SKIC3: variants seen among roughly 807,000 people sequenced by gnomAD.
The protein encoded by SKIC3 is superkiller complex protein 3.
At chr5:95,544,756 T>C in the SKIC3 span, among the ~76,000 whole-genome samples, 111 of 152,316 alleles carry the variant, frequency 7.3e-4, no homozygotes, top group Middle Eastern at 3.4e-3. Context: ...TGACCAGGTT[T>C]TCAGAATCCA....
the SKIC3 span, chr5:95,525,417 A>T: frequency 6.2e-7 from 1 of 1,613,992 alleles, no homozygotes; most frequent in South Asian, 1.1e-5. Context: ...GCTTGTAGAT[A>T]GTCCTTTTTG....
At chr5:95,465,255 A>G in the SKIC3 span, among the ~76,000 whole-genome samples, 13 of 152,128 alleles carry the variant, frequency 8.5e-5, no homozygotes, top group Admixed American at 3.9e-4. Context: ...TTAGCACTGC[A>G]TAAAATTAAA....
At chr5:95,529,214 C>T in the SKIC3 span, 12 of 874,092 alleles carry the variant, frequency 1.4e-5, no homozygotes, top group Non-Finnish European at 2.1e-5. Flanking sequence ...TCTCATATCT[C>T]ATCAGTCACA....
chr5:95,474,847 A>G, the SKIC3 span, among the ~76,000 whole-genome samples: 1 of 152,220 alleles, frequency 6.6e-6, no homozygotes, highest in African/African-American at 2.4e-5. Context: ...AATTGATTAA[A>G]AGAACCACTT....
the SKIC3 span, chr5:95,514,978 C>A: frequency 6.5e-7 from 1 of 1,545,864 alleles, no homozygotes; most frequent in Non-Finnish European, 8.9e-7. Flanking sequence ...ACTTATTAAA[C>A]CGCTTATGTT....
the SKIC3 span, chr5:95,540,596 T>C: frequency 2.0e-6 from 3 of 1,502,970 alleles, no homozygotes; most frequent in South Asian, 3.4e-5. Context: ...GAAATGGAAA[T>C]TAAAATGACA....
At chr5:95,465,946 G>T in the SKIC3 span, among the ~76,000 whole-genome samples, 5 of 152,178 alleles carry the variant, frequency 3.3e-5, no homozygotes, top group African/African-American at 1.2e-4. Flanking sequence ...ACGGCGAACT[G>T]TCTCCCAACA....
At chr5:95,540,953 C>T in the SKIC3 span, 2 of 953,664 alleles carry the variant, frequency 2.1e-6, no homozygotes, top group Non-Finnish European at 1.6e-6. Flanking sequence ...AAGCATAGAA[C>T]CCCATCTATT....
At chr5:95,477,833 T>C in the SKIC3 span, among the ~76,000 whole-genome samples, 1 of 152,166 alleles carries the variant, frequency 6.6e-6, no homozygotes. Flanking sequence ...AAATTTTCCC[T>C]ACCAGCATGT....
chr5:95,490,040 C>T, the SKIC3 span, among the ~76,000 whole-genome samples: 6 of 152,082 alleles, frequency 3.9e-5, no homozygotes, highest in Admixed American at 3.3e-4. Flanking sequence ...AAGCTAATGT[C>T]CCAAGACAAA....
the SKIC3 span, chr5:95,514,894 T>C: frequency 4.3e-6 from 7 of 1,612,486 alleles, no homozygotes; most frequent in African/African-American, 1.3e-5. Flanking sequence ...GATCAAGGGA[T>C]TGAGCCATTT....
At chr5:95,479,012 C>T in the SKIC3 span, among the ~76,000 whole-genome samples, 1 of 151,880 alleles carries the variant, frequency 6.6e-6, no homozygotes, top group Non-Finnish European at 1.5e-5. Context: ...CCAGACAGTA[C>T]AATAAAGCAA....
chr5:95,546,508 C>T, the SKIC3 span, among the ~76,000 whole-genome samples: 437 of 152,108 alleles, frequency 2.9e-3, 2 homozygotes, highest in Non-Finnish European at 4.7e-3. Context: ...ATCTATAAGC[C>T]CAACACTGTA....
chr5:95,512,782 C>A, the SKIC3 span: 1 of 731,744 alleles, frequency 1.4e-6, no homozygotes. Flanking sequence ...TATGATAAAA[C>A]ACAGCGAAGA....
chr5:95,511,375 T>G, the SKIC3 span, among the ~76,000 whole-genome samples: 2 of 152,188 alleles, frequency 1.3e-5, no homozygotes, highest in Non-Finnish European at 2.9e-5. Flanking sequence ...ATTGCGCCAC[T>G]GCACTCTAGC....
At chr5:95,493,700 T>C in the SKIC3 span, among the ~76,000 whole-genome samples, 2 of 152,190 alleles carry the variant, frequency 1.3e-5, no homozygotes, top group African/African-American at 4.8e-5. Flanking sequence ...AACATTGAAC[T>C]TGTTCTTGGT....
At chr5:95,499,049 T>C in the SKIC3 span, among the ~76,000 whole-genome samples, 1 of 152,202 alleles carries the variant, frequency 6.6e-6, no homozygotes, top group African/African-American at 2.4e-5. Context: ...TTCTTGGTGG[T>C]TAAGAGATAG....
At chr5:95,480,024 A>C in the SKIC3 span, among the ~76,000 whole-genome samples, 1 of 152,184 alleles carries the variant, frequency 6.6e-6, no homozygotes, top group Non-Finnish European at 1.5e-5. Flanking sequence ...GTCTTTTCAA[A>C]GATTGGTACT....
the SKIC3 span, chr5:95,482,657 C>A: frequency 1.2e-6 from 2 of 1,612,974 alleles, no homozygotes; most frequent in Non-Finnish European, 1.7e-6. Context: ...CAAAGAGGAA[C>A]ACATCAAATA....
Sources: allele counts gnomAD v4.1 joint callset (sites outside exome capture counted in the v4.1 genomes callset), GRCh38; gene constraint gnomAD v4.1.1; transcripts MANE v1.5; gene names NCBI Gene and HGNC (gene_info 2026-07-23, HGNC 2026-07-21).